Variants in CEBPZ observed in about 807,000 individuals in gnomAD.
CEBPZ encodes CCAAT/enhancer-binding protein zeta.
A neutral mutation model predicts 104.5 loss-of-function variants in CEBPZ; 78 were observed. That is an observed-to-expected ratio of 0.75 (90% CI 0.62 to 0.90). The LOEUF (loss-of-function observed/expected upper bound fraction) is 0.90, where lower values mean the gene tolerates loss of function less well. CEBPZ is among the 40% of genes least tolerant of loss of function. The pLI is 0.00. For missense variants in CEBPZ, 1,439 were observed against 1,233.5 expected (o/e 1.17, Z -2.50); for synonymous variants, 470 against 427.0 (o/e 1.10, Z -1.24).
At chr2:37,222,197 T>C (rs1030253522) in intron 4 of CEBPZ, among the ~76,000 whole-genome samples, 183 bp downstream of exon 4, 5 of 152,156 alleles carry the variant, frequency 3.3e-5, no homozygotes, top group African/African-American at 7.2e-5. Context: ...GGCAGGAGAA[T>C]CACTTGAACC....
chr2:37,217,554 C>T (rs1190764097), intron 5 of CEBPZ, among the ~76,000 whole-genome samples: 2 of 152,112 alleles, frequency 1.3e-5, no homozygotes, highest in African/African-American at 2.4e-5. Context: ...TCTACAGACA[C>T]CTATGTTATA....
chr2:37,228,981 C>T lies in CEBPZ; in HGVS notation c.212G>A (p.Gly71Asp), dbSNP rs747019040. 19 of 1,598,306 alleles carry T rather than the reference C, an allele frequency of 1.2e-5. No homozygotes were observed. In the Admixed American group the frequency reaches 3.2e-4, roughly 27 times the overall value. The part of the protein sequence containing the change: ...LDENEEVIDG[G>D]KKGAIDDLQQ... ...AAGGTCATCGATTGCTCCTTTTTTG[C>T]CTCCATCTATCACTTCCTCATTCTC... The change falls in exon 2 of 16, where the codon GGC becomes GAC. Residue 71 changes from glycine to aspartate, a missense_variant. Coordinates refer to ENST00000234170, the MANE Select transcript of CEBPZ (RefSeq NM_005760.3).
intron 5 of CEBPZ, among the ~76,000 whole-genome samples, chr2:37,219,022 T>C (rs1664702864): frequency 6.6e-6 from 1 of 152,254 alleles, no homozygotes; most frequent in South Asian, 2.1e-4. Flanking sequence ...ATTGAGAAAC[T>C]GTCAAGCTCA....
At chr2:37,209,569 T>G (rs1470811496) in intron 13 of CEBPZ, 1 of 152,220 alleles carries the variant, frequency 6.6e-6, no homozygotes, top group East Asian at 1.9e-4. Flanking sequence ...CCATTGGTGC[T>G]GGGATAACTG....
In CEBPZ at chr2:37,201,701, A is replaced by T. The variant is rs776745351; in HGVS notation, c.*63T>A. 4.4e-4 allele frequency: 446 copies of T among 1,009,420 alleles called. No individual in the cohort carries two copies. Among genetic ancestry groups the T allele is most frequent in the Non-Finnish European group, 6.0e-4 (391 of 651,532 alleles). The allele number at this position is 1,009,420 out of a possible 1,614,324, so 62.5% of individuals were successfully genotyped here. On this transcript the variant is annotated 3_prime_UTR_variant, in exon 16 of 16. Transcript: ENST00000234170. Reference sequence around the variant, plus strand: ...TGGAATCAGAGAGCTAGATCAAAAAACATGGTTGAACAGCAAAAATTAGAT... The same window carrying T: ...TGGAATCAGAGAGCTAGATCAAAAATCATGGTTGAACAGCAAAAATTAGAT...
chr2:37,223,079 T>C (rs1664806344), intron 3 of CEBPZ, 91 bp downstream of exon 3: 2 of 1,015,658 alleles, frequency 2.0e-6, no homozygotes, highest in East Asian at 2.4e-5. Flanking sequence ...TCCAGAGAAC[T>C]AGGTTACTGT....
rs532744142 is a variant in CEBPZ at position 37,223,862 on chromosome 2, T to C, written c.1650-461A>G. On this transcript the variant is annotated intron_variant, in intron 2 of 15. Transcript: ENST00000234170. ...TCATGATTTTAGTGAAGACCATCGA[T>C]GAACAGCAGAAAATTAAATTCTAAG... Among the ~76,000 whole-genome samples, 72 of 152,322 alleles carry C rather than the reference T, an allele frequency of 4.7e-4. No individual in the cohort carries two copies. In the South Asian group the frequency reaches 0.014, roughly 31 times the overall value.
At chr2:37,218,585 G>A (rs1664693543) in intron 5 of CEBPZ, among the ~76,000 whole-genome samples, 1 of 152,138 alleles carries the variant, frequency 6.6e-6, no homozygotes, top group Non-Finnish European at 1.5e-5. Flanking sequence ...GGTCTACTTT[G>A]AATCAATCAT....
intron 5 of CEBPZ, among the ~76,000 whole-genome samples, chr2:37,217,896 T>C (rs2465483): frequency 0.75 from 110,096 of 146,152 alleles, 42,438 homozygotes; most frequent in East Asian, 0.98. Flanking sequence ...AGCAAGACTC[T>C]GTCTCAAAAA....
rs1330274508 is a variant in CEBPZ at position 37,223,199 on chromosome 2, C to T, written c.1852G>A (p.Gly618Ser). 1 of 1,613,852 alleles carries T rather than the reference C, an allele frequency of 6.2e-7. No individual in the cohort carries two copies. The highest frequency in any genetic ancestry group is 1.1e-5 in the South Asian group (1 of 91,066). The part of the protein sequence containing the change: ...LVSEILKAKP[G>S]LRSQLDDHPE... The stretch of plus-strand genomic sequence containing the variant: ...TGATCATCTAGTTGGCTTCTTAAAC[C>T]TGGTTTTGCTTTAAGGATCTCAGAC... The change falls in exon 3 of 16, where the codon GGT becomes AGT. Residue 618 changes from glycine (G) to serine (S), a missense_variant. By Grantham distance (56) the Gly-to-Ser change is moderately conservative. Transcript: ENST00000234170.
At chr2:37,223,946 T>C (rs1433793457) in intron 2 of CEBPZ, among the ~76,000 whole-genome samples, 3 of 152,232 alleles carry the variant, frequency 2.0e-5, no homozygotes, top group African/African-American at 7.2e-5. Context: ...TCATACACGC[T>C]ATTTTCACTG....
Position 37,202,963 on chromosome 2 carries a change from A to G in CEBPZ, c.2930T>C (p.Val977Ala). 1 of 1,574,258 alleles carries G rather than the reference A, an allele frequency of 6.4e-7. No individual in the cohort carries two copies. The highest frequency in any genetic ancestry group is 2.3e-5 in the East Asian group (1 of 43,588). ...KRNLNDSSLF[V>A]SAEEFGHLLD... ...CATTAGCCTTACCTCTTCAGCAGAT[A>G]CAAATAGGCTGGAATCATTTAAGTT... The change falls in exon 14 of 16, where the codon GTA becomes GCA. Residue 977 changes from valine (V) to alanine (A), a missense_variant. By Grantham distance (64) the Val-to-Ala change is moderately conservative. Transcript: ENST00000234170.
chr2:37,229,438 T>C (rs1338207872), intron 1 of CEBPZ, among the ~76,000 whole-genome samples: 1 of 152,244 alleles, frequency 6.6e-6, no homozygotes, highest in African/African-American at 2.4e-5. Flanking sequence ...TATGAAAAGA[T>C]GTTCAACCTC....
At chr2:37,227,408 T>C in intron 2 of CEBPZ, 136 bp downstream of exon 2, 1 of 643,528 alleles carries the variant, frequency 1.6e-6, no homozygotes, top group Non-Finnish European at 2.5e-6. Flanking sequence ...TACTTGAAGG[T>C]GGCGAGTAGC....
Position 37,231,563 on chromosome 2 carries a change from G to A in CEBPZ, c.5C>T (p.Ala2Val), listed in dbSNP as rs1180450295. M[A>V]AVKEPLEFHA... ...GAACTCCAAAGGCTCCTTGACTGCG[G>A]CCATGGCGGGCAAAGCATACGCGCG... Residue 2 changes from alanine to valine, a missense_variant, in exon 1 of 16, where the codon GCC becomes GTC. Physicochemically the swap from Ala to Val is moderately conservative, Grantham distance 64. Coordinates refer to ENST00000234170, the MANE Select transcript of CEBPZ (RefSeq NM_005760.3). The A allele has an allele frequency of 2.5e-6, 4 of 1,614,100 alleles. No individual in the cohort carries two copies. Among genetic ancestry groups the A allele is most frequent in the Admixed American group, 1.7e-5 (1 of 60,014 alleles).
intron 2 of CEBPZ, 49 bp downstream of exon 2, chr2:37,227,495 T>G (rs767800952): frequency 6.5e-7 from 1 of 1,535,216 alleles, no homozygotes; most frequent in African/African-American, 1.4e-5. Flanking sequence ...TGTGCTGTAC[T>G]ACATCAAGTT....
intron 9 of CEBPZ, 38 bp from the exon 10 acceptor site, chr2:37,213,999 A>G: frequency 8.5e-7 from 1 of 1,182,576 alleles, no homozygotes; most frequent in South Asian, 1.6e-5. Context: ...AATTTTATTA[A>G]AGGTCTAATC....
At chr2:37,209,219 C>T (rs1236946926) in intron 13 of CEBPZ, 1 of 152,048 alleles carries the variant, frequency 6.6e-6, no homozygotes, top group Admixed American at 6.6e-5. Flanking sequence ...ACCATACTGC[C>T]AAAAGCAATC....
intron 5 of CEBPZ, among the ~76,000 whole-genome samples, chr2:37,219,364 A>T (rs1377182232): frequency 6.6e-6 from 1 of 152,016 alleles, no homozygotes; most frequent in Non-Finnish European, 1.5e-5. Flanking sequence ...CACTAAAATC[A>T]GTAATTCTCC....
Sources: gnomAD v4.1 joint callset for allele counts (sites outside exome capture counted in the v4.1 genomes callset) on GRCh38, gnomAD v4.1.1 for gene constraint, MANE v1.5 for transcripts, NCBI Gene and HGNC (gene_info 2026-07-23, HGNC 2026-07-21) for gene names.